The following MTHFD1L variants were observed in gnomAD, a reference collection of about 807,000 sequenced individuals.
The protein encoded by MTHFD1L is monofunctional C1-tetrahydrofolate synthase, mitochondrial.
In MTHFD1L, 81 loss-of-function variants were observed where a neutral mutation model predicts 119.5. The observed-to-expected ratio is 0.68, with a 90% CI of 0.57 to 0.82. The LOEUF is 0.82. Ranked by LOEUF, MTHFD1L falls within the 40% of genes least tolerant of loss-of-function variation. The pLI, the probability that MTHFD1L is intolerant of heterozygous loss-of-function variation, is 0.00. For missense variants in MTHFD1L, 1,125 were observed against 1,253.4 expected, an observed-to-expected ratio of 0.90 and a Z score of 1.55; for synonymous variants, 430 against 475.2, an observed-to-expected ratio of 0.90 and a Z score of 1.24.
intron 20 of MTHFD1L, among the ~76,000 whole-genome samples, chr6:150,990,593 G>A (rs967665069): frequency 4.0e-5 from 6 of 151,424 alleles, no homozygotes; most frequent in African/African-American, 1.5e-4. Flanking sequence ...CCGAGTAGCC[G>A]GGATTACAGG....
At chr6:150,899,982 G>GAT (rs201113041) in intron 7 of MTHFD1L, among the ~76,000 whole-genome samples, 7 of 146,832 alleles carry the variant, frequency 4.8e-5, no homozygotes, top group African/African-American at 1.2e-4. Flanking sequence ...AAAAAAAATA[G>GAT]ATATATATAT....
intron 12 of MTHFD1L, among the ~76,000 whole-genome samples, chr6:150,938,420 A>G (rs950394343): frequency 1.3e-5 from 2 of 152,232 alleles, no homozygotes; most frequent in Non-Finnish European, 1.5e-5. Context: ...TTATCAAAAT[A>G]TTCTCATATC....
At chr6:151,045,745 A>G (rs761408962) in intron 26 of MTHFD1L, among the ~76,000 whole-genome samples, 3 of 152,030 alleles carry the variant, frequency 2.0e-5, no homozygotes, top group African/African-American at 4.8e-5. Flanking sequence ...CCCTATCTCT[A>G]CATCAGAATT....
intron 11 of MTHFD1L, among the ~76,000 whole-genome samples, chr6:150,933,892 CAA>C (rs1272493661): frequency 2.6e-5 from 4 of 152,212 alleles, no homozygotes; most frequent in Non-Finnish European, 5.9e-5. Flanking sequence ...GCTAGGATTA[CAA>C]GCATGAACCA....
At chr6:151,006,190 CCGGGAGGGTGGGATGGG>C (rs1286640800) in intron 20 of MTHFD1L, among the ~76,000 whole-genome samples, 2 of 140,094 alleles carry the variant, frequency 1.4e-5, no homozygotes, top group African/African-American at 2.6e-5. Flanking sequence ...CACCACAGGG[CCGGGAGGGTGGGATGGG>C]CGGGAGGAGT....
intron 4 of MTHFD1L, among the ~76,000 whole-genome samples, chr6:150,878,702 G>A (rs1271012089): frequency 6.6e-6 from 1 of 152,208 alleles, no homozygotes; most frequent in African/African-American, 2.4e-5. Flanking sequence ...TGATTGATCA[G>A]TGAGGCCCAG....
At chr6:151,069,153 A>G (rs1422399429) in intron 26 of MTHFD1L, among the ~76,000 whole-genome samples, 1 of 152,116 alleles carries the variant, frequency 6.6e-6, no homozygotes, top group African/African-American at 2.4e-5. Context: ...TACTTATTTT[A>G]TATCATAAGT....
chr6:151,068,754 G>A (rs1305639414), intron 26 of MTHFD1L, among the ~76,000 whole-genome samples: 1 of 152,172 alleles, frequency 6.6e-6, no homozygotes, highest in Non-Finnish European at 1.5e-5. Context: ...GTATTTGAAA[G>A]CTAGTAAACT....
At chr6:150,941,301 G>T (rs979999021) in intron 13 of MTHFD1L, among the ~76,000 whole-genome samples, 13 of 152,208 alleles carry the variant, frequency 8.5e-5, no homozygotes, top group African/African-American at 3.1e-4. Flanking sequence ...AGTTGGGGGG[G>T]TTGAGGTAGA....
chr6:151,025,192 G>A (rs549187952), intron 24 of MTHFD1L, among the ~76,000 whole-genome samples: 6 of 152,330 alleles, frequency 3.9e-5, no homozygotes, highest in Admixed American at 6.5e-5. Context: ...ACATGTAGGC[G>A]TCTTCAGAGT....
intron 5 of MTHFD1L, among the ~76,000 whole-genome samples, chr6:150,884,797 T>A (rs902264448): frequency 6.6e-6 from 1 of 152,168 alleles, no homozygotes; most frequent in Admixed American, 6.5e-5. Flanking sequence ...CCTTCAGAAG[T>A]GTGTGGTCAC....
intron 26 of MTHFD1L, among the ~76,000 whole-genome samples, chr6:151,079,700 G>T (rs1010960074): frequency 6.6e-6 from 1 of 151,344 alleles, no homozygotes; most frequent in African/African-American, 2.4e-5. Flanking sequence ...TGTTGGTCAC[G>T]CTGGTCTCAA....
At chr6:151,019,220 G>A (rs1392371701) in intron 24 of MTHFD1L, among the ~76,000 whole-genome samples, 1 of 151,982 alleles carries the variant, frequency 6.6e-6, no homozygotes, top group Non-Finnish European at 1.5e-5. Flanking sequence ...GTGTGCCTCT[G>A]ATCATGCCAT....
At chr6:150,988,208 T>C (rs1778566565) in intron 20 of MTHFD1L, among the ~76,000 whole-genome samples, 1 of 152,262 alleles carries the variant, frequency 6.6e-6, no homozygotes, top group Non-Finnish European at 1.5e-5. Flanking sequence ...AACTGAAGTT[T>C]TGAAATTCAT....
chr6:150,935,494 G>A lies in MTHFD1L; in HGVS notation c.1257-1310G>A. The A allele has an allele frequency of 1.9e-6, 3 of 1,588,958 alleles. No individual in the cohort carries two copies. In the South Asian group the frequency reaches 3.5e-5, roughly 18 times the overall value. On this transcript the variant is annotated intron_variant, in intron 11 of 27. Transcript: ENST00000367321. ...GTGCAATCATAGGAGATGGCCTAAA[G>A]GAAGGACTTGAGAAACTACATGATA...
In MTHFD1L at chr6:151,042,136, C is replaced by G. The variant is rs1171370483; in HGVS notation, c.2847+5019C>G. The G allele has an allele frequency of 2.3e-5, 5 of 219,846 alleles. No homozygotes were observed. In the South Asian group the frequency reaches 3.2e-4, roughly 14 times the overall value. 13.6% of individuals were successfully genotyped at this position (219,846 alleles called of 1,614,324 possible). A position where few individuals can be genotyped will look rare whatever the true frequency, so the allele number is the denominator to read the frequency against. On this transcript the variant is annotated intron_variant, in intron 26 of 27. Coordinates refer to ENST00000367321, the MANE Select transcript of MTHFD1L (RefSeq NM_015440.5). The stretch of plus-strand genomic sequence containing the variant: ...CTGAAGCCCCCAGCACAAGCATTCC[C>G]AGCTCGTGGTCATCTAAGACCTTTG...
intron 8 of MTHFD1L, among the ~76,000 whole-genome samples, chr6:150,908,212 CTG>C (rs1454110553): frequency 1.3e-5 from 2 of 151,594 alleles, no homozygotes; most frequent in Non-Finnish European, 2.9e-5. Context: ...CTGGCTAACT[CTG>C]TGAATATTGA....
chr6:150,940,793 C>G (rs1441572620), intron 13 of MTHFD1L, among the ~76,000 whole-genome samples: 1 of 151,964 alleles, frequency 6.6e-6, no homozygotes, highest in Non-Finnish European at 1.5e-5. Flanking sequence ...TTGGTCAGGC[C>G]GGTCTTGAAC....
At chr6:150,922,632 T>C (rs180714541) in intron 10 of MTHFD1L, among the ~76,000 whole-genome samples, 259 of 121,240 alleles carry the variant, frequency 2.1e-3, no homozygotes, top group South Asian at 9.8e-3. Flanking sequence ...AATGGCAGTG[T>C]TTTCCCCCCC....
Sources: gnomAD v4.1 joint callset for allele counts (sites outside exome capture counted in the v4.1 genomes callset) on GRCh38, gnomAD v4.1.1 for gene constraint, MANE v1.5 for transcripts, NCBI Gene and HGNC (gene_info 2026-07-23, HGNC 2026-07-21) for gene names.